Variants in TSHZ2 observed in about 807,000 individuals in gnomAD.
The protein encoded by TSHZ2 is teashirt zinc finger homeobox 2.
Under a neutral mutation model 74.4 loss-of-function variants are expected in TSHZ2, and 21 were observed. The observed-to-expected ratio is 0.28, with a 90% CI of 0.20 to 0.41. The LOEUF is 0.41. TSHZ2 is among the 10% of genes least tolerant of loss of function. The pLI is 1.00. For synonymous variants in TSHZ2, 540 were observed against 515.3 expected (o/e 1.05, Z -0.65); for missense variants, 1,244 against 1,293.5 (o/e 0.96, Z 0.59).
chr20:52,972,975 C>T lies in TSHZ2; in HGVS notation c.-319C>T, dbSNP rs1388863894. The T allele has an allele frequency of 8.7e-6, 3 of 346,710 alleles. No homozygotes were observed. Among genetic ancestry groups the T allele is most frequent in the Non-Finnish European group, 1.5e-5 (3 of 195,940 alleles). The allele number at this position is 346,710 out of a possible 1,614,324, so 21.5% of individuals were successfully genotyped here. ...AAAAAAAAAAACCGCAAAAACAAAA[C>T]CAAAAAAATTCCAAAAGCAAAAACA... On this transcript the variant is annotated 5_prime_UTR_variant, in exon 1 of 3. Transcript: ENST00000371497.
chr20:53,461,133 C>T (rs1328094732), intron 2 of TSHZ2, among the ~76,000 whole-genome samples: 7 of 152,004 alleles, frequency 4.6e-5, no homozygotes, highest in Non-Finnish European at 1.0e-4. Flanking sequence ...GGCGCCCCTC[C>T]CCCAGCCTCG....
intron 1 of TSHZ2, among the ~76,000 whole-genome samples, chr20:53,031,230 A>C (rs981384684): frequency 6.6e-6 from 1 of 152,210 alleles, no homozygotes; most frequent in Admixed American, 6.5e-5. Context: ...TTTGATATTC[A>C]CAAGCTTTGA....
chr20:53,226,147 C>CAA (rs1453299336), intron 1 of TSHZ2, among the ~76,000 whole-genome samples: 1 of 150,776 alleles, frequency 6.6e-6, no homozygotes, highest in Non-Finnish European at 1.5e-5. Context: ...CACACACACA[C>CAA]ACACACACAC....
intron 2 of TSHZ2, among the ~76,000 whole-genome samples, chr20:53,469,045 TTATATA>T (rs143724013): frequency 0.021 from 1,009 of 49,110 alleles, 27 homozygotes; most frequent in Admixed American, 0.033. Flanking sequence ...AATCGATATT[TTATATA>T]TATATATATA....
At chr20:53,301,617 G>A (rs1991477227) in intron 2 of TSHZ2, among the ~76,000 whole-genome samples, 1 of 152,144 alleles carries the variant, frequency 6.6e-6, no homozygotes, top group African/African-American at 2.4e-5. Context: ...GAGCAAGAAG[G>A]TAAAAGGAAA....
chr20:53,161,481 T>TA (rs1431912833), intron 1 of TSHZ2, among the ~76,000 whole-genome samples: 4 of 152,174 alleles, frequency 2.6e-5, no homozygotes, highest in African/African-American at 9.7e-5. Context: ...TGAGACTGGG[T>TA]AATTTATAAA....
intron 2 of TSHZ2, among the ~76,000 whole-genome samples, chr20:53,365,772 T>G (rs1176462083): frequency 6.6e-6 from 1 of 152,190 alleles, no homozygotes; most frequent in Non-Finnish European, 1.5e-5. Context: ...AACCTTGGTC[T>G]CTCTTCTGGA....
intron 2 of TSHZ2, among the ~76,000 whole-genome samples, chr20:53,334,721 G>A (rs2145555890): frequency 1.3e-5 from 2 of 151,908 alleles, no homozygotes; most frequent in Middle Eastern, 6.8e-3. Flanking sequence ...TTGAGGCAGA[G>A]TCTCGCTCTG....
intron 2 of TSHZ2, among the ~76,000 whole-genome samples, chr20:53,474,517 T>C (rs1391185403): frequency 2.6e-5 from 3 of 113,940 alleles, no homozygotes; most frequent in Admixed American, 9.5e-5. Flanking sequence ...GCGCTAAACA[T>C]GGAAAAGAAC....
intron 1 of TSHZ2, among the ~76,000 whole-genome samples, chr20:53,043,500 C>G (rs561293717): frequency 4.7e-4 from 71 of 152,146 alleles, no homozygotes; most frequent in African/African-American, 1.5e-3. Context: ...GCTTGTAACC[C>G]TAAGTGTCTG....
At chr20:53,296,213 A>G (rs561884313) in intron 2 of TSHZ2, among the ~76,000 whole-genome samples, 2 of 152,252 alleles carry the variant, frequency 1.3e-5, no homozygotes, top group South Asian at 4.1e-4. Flanking sequence ...TCTGAAGTCC[A>G]GAAATTGATG....
chr20:53,233,746 A>C (rs998071498), intron 1 of TSHZ2, among the ~76,000 whole-genome samples: 2 of 152,218 alleles, frequency 1.3e-5, no homozygotes, highest in Non-Finnish European at 2.9e-5. Context: ...AAGAACTTGG[A>C]GACTCTGTAG....
intron 1 of TSHZ2, among the ~76,000 whole-genome samples, chr20:53,117,889 G>C (rs532673917): frequency 6.6e-6 from 1 of 152,278 alleles, no homozygotes; most frequent in Admixed American, 6.5e-5. Flanking sequence ...CAATCTACCT[G>C]TCTCTCCATT....
chr20:53,237,399 T>C (rs1989964543), intron 1 of TSHZ2, among the ~76,000 whole-genome samples: 1 of 152,184 alleles, frequency 6.6e-6, no homozygotes, highest in Non-Finnish European at 1.5e-5. Context: ...TTCTCTGGTC[T>C]TTCACTCCCT....
At chr20:53,022,815 G>C (rs1251680151) in intron 1 of TSHZ2, among the ~76,000 whole-genome samples, 1 of 152,182 alleles carries the variant, frequency 6.6e-6, no homozygotes, top group African/African-American at 2.4e-5. Flanking sequence ...GAGTTCCTTT[G>C]TGTGAACCTA....
chr20:53,328,707 C>T lies in TSHZ2; in HGVS notation c.*8+72136C>T, dbSNP rs143014273. Among the ~76,000 whole-genome samples, 510 of 152,196 alleles carry T rather than the reference C, an allele frequency of 3.4e-3. 1 individual carries two copies. The highest frequency in any genetic ancestry group is 5.3e-3 in the Non-Finnish European group (360 of 68,006). ...CAGTGGTTGCCAGGAAGCTCATATA[C>T]GAAGTGAATGGTTAATCACAGTAGC... On this transcript the variant is annotated intron_variant, in intron 2 of 2. Coordinates refer to ENST00000371497, the MANE Select transcript of TSHZ2 (RefSeq NM_173485.6).
At chr20:53,021,122 C>G (rs1057487040) in intron 1 of TSHZ2, among the ~76,000 whole-genome samples, 3 of 152,184 alleles carry the variant, frequency 2.0e-5, no homozygotes, top group Non-Finnish European at 2.9e-5. Flanking sequence ...ACATTTATAT[C>G]TCCCCCATCT....
At chr20:53,108,029 C>T (rs1986428891) in intron 1 of TSHZ2, among the ~76,000 whole-genome samples, 1 of 152,212 alleles carries the variant, frequency 6.6e-6, no homozygotes, top group South Asian at 2.1e-4. Context: ...TTTTTCTAAA[C>T]ATAATCTCTC....
At chr20:53,053,145 A>G (rs906448974) in intron 1 of TSHZ2, among the ~76,000 whole-genome samples, 5 of 152,272 alleles carry the variant, frequency 3.3e-5, no homozygotes, top group Admixed American at 1.3e-4. Flanking sequence ...GTTCTACGCT[A>G]TGTGATCATT....
Sources: gnomAD v4.1 joint callset for allele counts (sites outside exome capture counted in the v4.1 genomes callset) on GRCh38, gnomAD v4.1.1 for gene constraint, MANE v1.5 for transcripts, NCBI Gene and HGNC (gene_info 2026-07-23, HGNC 2026-07-21) for gene names.